The following CASD1 variants were observed in gnomAD, a reference collection of about 807,000 sequenced individuals.
CASD1 encodes N-acetylneuraminate (7)9-O-acetyltransferase.
A neutral mutation model predicts 100.0 loss-of-function variants in CASD1; 41 were observed. That is an observed-to-expected ratio of 0.41 (90% CI 0.32 to 0.53). The LOEUF is 0.53. Ranked by LOEUF, CASD1 falls within the 20% of genes least tolerant of loss-of-function variation. The pLI is 0.25. For synonymous variants in CASD1, 321 were observed against 315.6 expected, an observed-to-expected ratio of 1.02 and a Z score of -0.18; for missense variants, 774 against 948.7, an observed-to-expected ratio of 0.82 and a Z score of 2.42.
chr7:94,574,310 CTCT>C, the CASD1 span, among the ~76,000 whole-genome samples: 1 of 152,198 alleles, frequency 6.6e-6, no homozygotes, highest in East Asian at 1.9e-4. Flanking sequence ...ATGATACCAG[CTCT>C]TCTTTGTACA....
intron 13 of CASD1, among the ~76,000 whole-genome samples, chr7:94,547,774 G>C (rs1260192929): frequency 6.6e-6 from 1 of 151,602 alleles, no homozygotes; most frequent in Non-Finnish European, 1.5e-5. Flanking sequence ...GTATTATTTG[G>C]GCAGCATGAT....
At chr7:94,529,475 G>A (rs1794743693) in intron 5 of CASD1, among the ~76,000 whole-genome samples, 1 of 152,104 alleles carries the variant, frequency 6.6e-6, no homozygotes, top group Non-Finnish European at 1.5e-5. Flanking sequence ...ATTTATTTAG[G>A]TAGATGACCA....
At chr7:94,562,182 G>C in the CASD1 span, among the ~76,000 whole-genome samples, 1 of 152,122 alleles carries the variant, frequency 6.6e-6, no homozygotes, top group Non-Finnish European at 1.5e-5. Context: ...TTGCCGATAA[G>C]AAGCAAGAGC....
downstream of CASD1, among the ~76,000 whole-genome samples, chr7:94,560,745 G>A (rs1796326435): frequency 6.6e-6 from 1 of 152,058 alleles, no homozygotes; most frequent in Admixed American, 6.6e-5. Context: ...AAATAGCCCT[G>A]GGACTATTGC....
the CASD1 span, among the ~76,000 whole-genome samples, chr7:94,609,435 G>A: frequency 6.6e-6 from 1 of 152,192 alleles, no homozygotes; most frequent in Non-Finnish European, 1.5e-5. Flanking sequence ...GGGAGGCTGA[G>A]GCATGAGAAT....
At chr7:94,558,034 T>G (rs1016729731), downstream of CASD1, among the ~76,000 whole-genome samples, 1 of 152,238 alleles carries the variant, frequency 6.6e-6, no homozygotes, top group African/African-American at 2.4e-5. Flanking sequence ...AATTCAGATT[T>G]TTCTGTAATA....
chr7:94,565,715 G>A, the CASD1 span, among the ~76,000 whole-genome samples: 1 of 152,150 alleles, frequency 6.6e-6, no homozygotes, highest in Non-Finnish European at 1.5e-5. Context: ...GCTTCTCGTT[G>A]CCTGCCGAGC....
At chr7:94,616,071 G>A in the CASD1 span, among the ~76,000 whole-genome samples, 1 of 152,252 alleles carries the variant, frequency 6.6e-6, no homozygotes. Flanking sequence ...TGATTTAGGA[G>A]AAGTTTGAAA....
intron 12 of CASD1, among the ~76,000 whole-genome samples, chr7:94,546,280 A>G (rs1272399048): frequency 6.6e-6 from 1 of 151,998 alleles, no homozygotes. Context: ...TTCTAATTTC[A>G]CATGGTTAGT....
At chr7:94,606,523 T>C in the CASD1 span, among the ~76,000 whole-genome samples, 1 of 152,298 alleles carries the variant, frequency 6.6e-6, no homozygotes, top group African/African-American at 2.4e-5. Flanking sequence ...GAATCCACTA[T>C]TATAGCTGGA....
chr7:94,534,678 C>T (rs1795031798), intron 7 of CASD1, among the ~76,000 whole-genome samples: 1 of 151,870 alleles, frequency 6.6e-6, no homozygotes, highest in Admixed American at 6.6e-5. Flanking sequence ...TGTTTTGTGT[C>T]AGGAATTCTT....
At chr7:94,577,692 T>G in the CASD1 span, among the ~76,000 whole-genome samples, 2 of 152,170 alleles carry the variant, frequency 1.3e-5, no homozygotes, top group Non-Finnish European at 2.9e-5. Flanking sequence ...TCCTGGTAAG[T>G]TCTTTGGTTA....
At chr7:94,587,671 G>A in the CASD1 span, 1 of 1,523,796 alleles carries the variant, frequency 6.6e-7, no homozygotes, top group African/African-American at 1.4e-5. Context: ...GAACAGTCTT[G>A]TTGAAACATG....
At chr7:94,603,214 G>A in the CASD1 span, 1 of 1,145,914 alleles carries the variant, frequency 8.7e-7, no homozygotes, top group Non-Finnish European at 1.3e-6. Context: ...CCTAAAAGCA[G>A]TTCAGGTTTT....
At chr7:94,633,419 G>A in the CASD1 span, among the ~76,000 whole-genome samples, 3 of 152,090 alleles carry the variant, frequency 2.0e-5, no homozygotes, top group African/African-American at 7.2e-5. Context: ...AAAGGGTTAT[G>A]TAAGCAAGTA....
At chr7:94,624,125 A>G in the CASD1 span, 1 of 396,710 alleles carries the variant, frequency 2.5e-6, no homozygotes, top group African/African-American at 2.1e-5. Flanking sequence ...TAACTTTATA[A>G]CAGATATTAA....
chr7:94,552,579 T>C (rs963239783), intron 16 of CASD1, 152 bp downstream of exon 16: 1 of 589,840 alleles, frequency 1.7e-6, no homozygotes, highest in Non-Finnish European at 2.9e-6. Flanking sequence ...AATAGGGATA[T>C]TAAAATCTCT....
At chr7:94,610,410 C>T in the CASD1 span, among the ~76,000 whole-genome samples, 1 of 152,126 alleles carries the variant, frequency 6.6e-6, no homozygotes, top group Non-Finnish European at 1.5e-5. Context: ...AAATATACCA[C>T]TCTGGTGGGG....
At chr7:94,574,595 T>G in the CASD1 span, among the ~76,000 whole-genome samples, 1 of 152,054 alleles carries the variant, frequency 6.6e-6, no homozygotes, top group Non-Finnish European at 1.5e-5. Flanking sequence ...CATTTCTGAT[T>G]GTTTTATTTG....
Sources: gnomAD v4.1 joint callset for allele counts (sites outside exome capture counted in the v4.1 genomes callset) on GRCh38, gnomAD v4.1.1 for gene constraint, MANE v1.5 for transcripts, NCBI Gene and HGNC (gene_info 2026-07-23, HGNC 2026-07-21) for gene names.